REV3L: variants seen among roughly 807,000 people sequenced by gnomAD.
REV3L encodes REV3 like, DNA directed polymerase zeta catalytic subunit.
A neutral mutation model predicts 299.4 loss-of-function variants in REV3L; 69 were observed. The ratio of observed to expected loss-of-function variants is 0.23; its 90% CI spans 0.19 to 0.28. REV3L has a LOEUF of 0.28. REV3L is among the 10% of genes least tolerant of loss of function. The probability of loss-of-function intolerance (pLI) is 1.00; values close to 1 mark genes in which losing one functional copy is unlikely to be tolerated. For missense variants in REV3L, 3,128 were observed against 3,693.8 expected (o/e 0.85, Z 3.97); for synonymous variants, 1,238 against 1,271.4 (o/e 0.97, Z 0.56).
At chr6:111,436,616 C>T (rs1391490059) in intron 1 of REV3L, among the ~76,000 whole-genome samples, 1 of 151,934 alleles carries the variant, frequency 6.6e-6, no homozygotes, top group Non-Finnish European at 1.5e-5. Context: ...CTGGTAGTTA[C>T]CAGAAGCTGA....
chr6:111,352,287 C>T (rs1305544664), intron 18 of REV3L, among the ~76,000 whole-genome samples: 2 of 151,414 alleles, frequency 1.3e-5, no homozygotes. Context: ...GGATTATAGG[C>T]GATTTGACGC....
At position 111,463,339 on chromosome 6, in the gene REV3L, G is replaced by A. The variant is rs565800269; in HGVS notation, c.139+19411C>T. 1.6e-4 allele frequency among the ~76,000 whole-genome samples: 24 copies of A among 152,252 alleles called. No individual in the cohort carries two copies. In the South Asian group the frequency reaches 2.7e-3, roughly 17 times the overall value. On this transcript the variant is annotated intron_variant, in intron 1 of 31. Transcript: ENST00000368802. ...AGTTAAGCCAAGGCCAAAACTGTCC[G>A]AAGAGAAGAAAGGTTAATGTTACAA...
At chr6:111,344,177 C>T (rs868047761) in intron 20 of REV3L, 134 bp from the exon 21 acceptor site, 14 of 597,788 alleles carry the variant, frequency 2.3e-5, no homozygotes, top group South Asian at 2.2e-4. Context: ...ATGTGCAGTA[C>T]AACTGAATCA....
At chr6:111,443,030 A>G (rs1165727072) in intron 1 of REV3L, among the ~76,000 whole-genome samples, 1 of 152,166 alleles carries the variant, frequency 6.6e-6, no homozygotes, top group Admixed American at 6.5e-5. Flanking sequence ...TAAAATTACT[A>G]AATACACTTA....
In REV3L at chr6:111,373,618, G is replaced by A; in HGVS notation, c.4737C>T (p.Ser1579=). 1 of 1,614,036 alleles carries A rather than the reference G, an allele frequency of 6.2e-7. No individual in the cohort carries two copies. Among genetic ancestry groups the A allele is most frequent in the Non-Finnish European group, 8.5e-7 (1 of 1,180,002 alleles). ...TTCTGGGAGTTCGAGGTTTTCTTGG[G>A]GACGTTACCGATCGTGTCCGTTTAT... The part of the protein sequence containing the change: ...KANKRTRSVT[S]PRKPRTPRST... Residue 1579 remains serine, a synonymous_variant, in exon 13 of 32, where the codon TCC becomes TCT. Coordinates refer to ENST00000368802, the MANE Select transcript of REV3L (RefSeq NM_001372078.1).
chr6:111,448,926 G>A lies in REV3L; in HGVS notation c.140-32454C>T, dbSNP rs1201107714. Among the ~76,000 whole-genome samples the A allele has an allele frequency of 4.6e-5, 7 of 151,028 alleles. No homozygotes were observed. In the East Asian group the frequency reaches 1.4e-3, roughly 30 times the overall value. ...AATCTTCCTGCCCCGGCCTCCCAAA[G>A]TGCTGAATGGGATTACAGGCGTGAG... On this transcript the variant is annotated intron_variant, in intron 1 of 31. Transcript: ENST00000368802.
chr6:111,351,444 C>T (rs574460797), intron 19 of REV3L, among the ~76,000 whole-genome samples: 19 of 152,152 alleles, frequency 1.2e-4, no homozygotes, highest in African/African-American at 3.9e-4. Flanking sequence ...TGAAAAGTGA[C>T]TGAAAGGAAA....
chr6:111,384,682 T>TGAA (rs1276062190), intron 9 of REV3L, among the ~76,000 whole-genome samples: 1 of 152,218 alleles, frequency 6.6e-6, no homozygotes, highest in Non-Finnish European at 1.5e-5. Context: ...GAGAACAGTA[T>TGAA]GAAGGTTCCT....
At chr6:111,381,511 T>C in intron 9 of REV3L, 67 bp from the exon 10 acceptor site, 1 of 1,384,740 alleles carries the variant, frequency 7.2e-7, no homozygotes, top group Non-Finnish European at 9.9e-7. Flanking sequence ...CATTTAGAAT[T>C]TGTGTAAATT....
chr6:111,429,247 C>T (rs909304969), intron 1 of REV3L, among the ~76,000 whole-genome samples: 1 of 152,140 alleles, frequency 6.6e-6, no homozygotes. Context: ...CTCCTGGACT[C>T]AAGCAATCCT....
intron 4 of REV3L, among the ~76,000 whole-genome samples, chr6:111,402,148 T>C (rs886588841): frequency 3.3e-5 from 5 of 151,992 alleles, no homozygotes; most frequent in African/African-American, 1.2e-4. Flanking sequence ...AATAATATCC[T>C]CTAGGGAGGA....
intron 1 of REV3L, among the ~76,000 whole-genome samples, chr6:111,480,783 T>C (rs1474361394): frequency 6.7e-6 from 1 of 149,992 alleles, no homozygotes; most frequent in Non-Finnish European, 1.5e-5. Context: ...TTTCAAAGTA[T>C]GTACCAAAAA....
chr6:111,449,878 TA>T (rs112928505), intron 1 of REV3L, among the ~76,000 whole-genome samples: 1 of 151,992 alleles, frequency 6.6e-6, no homozygotes, highest in African/African-American at 2.4e-5. Context: ...AATGTAGCAA[TA>T]GAAACAAGCC....
intron 1 of REV3L, among the ~76,000 whole-genome samples, chr6:111,463,399 C>G (rs985400438): frequency 6.6e-6 from 1 of 152,126 alleles, no homozygotes; most frequent in African/African-American, 2.4e-5. Context: ...TGGCACTAAG[C>G]TAAACAACTA....
intron 25 of REV3L, among the ~76,000 whole-genome samples, chr6:111,324,996 G>T (rs905989462): frequency 2.0e-5 from 3 of 151,684 alleles, no homozygotes; most frequent in African/African-American, 7.3e-5. Context: ...CAAGTAGCTG[G>T]GACTACAGGC....
intron 1 of REV3L, among the ~76,000 whole-genome samples, chr6:111,450,251 G>A (rs1404490018): frequency 6.6e-6 from 1 of 152,108 alleles, no homozygotes; most frequent in Admixed American, 6.5e-5. Context: ...GGCTGAGGCA[G>A]GAGAAATGCT....
chr6:111,336,714 A>T (rs1175218500), intron 21 of REV3L, among the ~76,000 whole-genome samples: 1 of 152,158 alleles, frequency 6.6e-6, no homozygotes, highest in Non-Finnish European at 1.5e-5. Context: ...TCTACACAAA[A>T]AACTATATAT....
At chr6:111,420,102 T>C (rs1455979498) in intron 1 of REV3L, among the ~76,000 whole-genome samples, 6 of 152,068 alleles carry the variant, frequency 3.9e-5, no homozygotes, top group Non-Finnish European at 7.4e-5. Flanking sequence ...GCCTCGGCCT[T>C]CCAAAGTGCT....
chr6:111,336,460 G>A (rs1775903316), intron 21 of REV3L, among the ~76,000 whole-genome samples: 1 of 151,722 alleles, frequency 6.6e-6, no homozygotes. Flanking sequence ...ATGCTTAATA[G>A]AAAAACTAGA....
Sources: gnomAD v4.1 joint callset for allele counts (sites outside exome capture counted in the v4.1 genomes callset) on GRCh38, gnomAD v4.1.1 for gene constraint, MANE v1.5 for transcripts, NCBI Gene and HGNC (gene_info 2026-07-23, HGNC 2026-07-21) for gene names.